ERN1: variants seen among roughly 807,000 people sequenced by gnomAD.
The protein encoded by ERN1 is endoplasmic reticulum to nucleus signaling 1.
Under a neutral mutation model 113.1 loss-of-function variants are expected in ERN1, and 39 were observed. The ratio of observed to expected loss-of-function variants is 0.34; its 90% CI spans 0.27 to 0.45. ERN1 has a LOEUF of 0.45. Ranked by LOEUF, ERN1 falls within the 20% of genes least tolerant of loss-of-function variation. The pLI is 1.00. For missense variants in ERN1, 976 were observed against 1,274.8 expected (o/e 0.77, Z 3.57); for synonymous variants, 507 against 515.9 (o/e 0.98, Z 0.23).
chr17:64,115,276 G>A (rs560364133), intron 1 of ERN1, among the ~76,000 whole-genome samples: 7 of 152,090 alleles, frequency 4.6e-5, no homozygotes, highest in Non-Finnish European at 1.0e-4. Context: ...TCTTCCTGTT[G>A]GCTGACTCTT....
intron 2 of ERN1, among the ~76,000 whole-genome samples, chr17:64,094,379 A>T (rs1164289883): frequency 6.6e-6 from 1 of 152,220 alleles, no homozygotes; most frequent in East Asian, 1.9e-4. Context: ...TTAAAAAAAT[A>T]CTTTCCTATT....
intron 2 of ERN1, among the ~76,000 whole-genome samples, chr17:64,092,228 A>G (rs925590565): frequency 8.5e-5 from 13 of 152,152 alleles, no homozygotes; most frequent in African/African-American, 2.9e-4. Context: ...TCTGCATGAC[A>G]GGGCTTGGTG....
chr17:64,060,710 T>A, intron 10 of ERN1, 123 bp from the exon 11 acceptor site: 1 of 674,586 alleles, frequency 1.5e-6, no homozygotes, highest in South Asian at 1.8e-5. Flanking sequence ...TCAGCAGGAC[T>A]GTGAGTTAGA....
At chr17:64,095,614 CCA>C (rs1914208320) in intron 2 of ERN1, among the ~76,000 whole-genome samples, 1 of 152,084 alleles carries the variant, frequency 6.6e-6, no homozygotes, top group Admixed American at 6.6e-5. Context: ...TCTAGTCATC[CCA>C]CACACAGCTG....
At chr17:64,129,932 G>A (rs1915191856) in intron 1 of ERN1, 44 bp downstream of exon 1, 4 of 1,386,252 alleles carry the variant, frequency 2.9e-6, no homozygotes, top group Non-Finnish European at 2.8e-6. Flanking sequence ...CCCCGACCCG[G>A]CCGTCGCGAG....
At chr17:64,112,367 C>CAAAA (rs779687545) in intron 1 of ERN1, among the ~76,000 whole-genome samples, 1 of 88,374 alleles carries the variant, frequency 1.1e-5, no homozygotes, top group African/African-American at 3.5e-5. Context: ...GACTCTGTCT[C>CAAAA]AAAAAAAAAA....
chr17:64,049,222 G>T lies in ERN1; in HGVS notation c.2254-20C>A, dbSNP rs547268473. On this transcript the variant is annotated intron_variant, in intron 17 of 21. Coordinates refer to ENST00000433197, the MANE Select transcript of ERN1 (RefSeq NM_001433.5). This position sits in a 1 kb window ranked among gnomAD's most constrained non-coding sequence, Gnocchi z 4.7. ...GTAGGTCTGAAAAGAGACATGAGGC[G>T]TGAGAGGTCTGGGAGCAGAGTTTTC... is the stretch of plus-strand genomic sequence containing the variant. 3.9e-6 allele frequency: 6 copies of T among 1,558,234 alleles called. No homozygotes were observed. Among genetic ancestry groups the T allele is most frequent in the Admixed American group, 1.8e-5 (1 of 57,054 alleles).
At chr17:64,076,773 G>T (rs1456506411) in intron 4 of ERN1, among the ~76,000 whole-genome samples, 4 of 152,106 alleles carry the variant, frequency 2.6e-5, no homozygotes, top group Non-Finnish European at 5.9e-5. Context: ...CTAATTTTTT[G>T]TATTTTTTAG....
intron 2 of ERN1, among the ~76,000 whole-genome samples, chr17:64,090,460 A>G (rs1469483308): frequency 1.3e-5 from 2 of 151,348 alleles, no homozygotes; most frequent in East Asian, 1.9e-4. Flanking sequence ...AGACAATTCA[A>G]CACTACAGCC....
At chr17:64,075,017 T>C (rs1021046356) in intron 5 of ERN1, 158 bp downstream of exon 5, 16 of 621,170 alleles carry the variant, frequency 2.6e-5, no homozygotes, top group Middle Eastern at 3.4e-4. Flanking sequence ...CTTTCTTAAT[T>C]GGTCAGCTGA....
chr17:64,058,533 A>G (rs1164795323), intron 11 of ERN1, among the ~76,000 whole-genome samples: 1 of 152,212 alleles, frequency 6.6e-6, no homozygotes, highest in Non-Finnish European at 1.5e-5. Context: ...CTATTTCTTC[A>G]AAGTTTTTAA....
chr17:64,067,448 A>T (rs1412962036), intron 7 of ERN1, among the ~76,000 whole-genome samples: 1 of 129,588 alleles, frequency 7.7e-6, no homozygotes, highest in Admixed American at 7.8e-5. Flanking sequence ...AAAAAAAAAA[A>T]TTAGCCAGGT....
At chr17:64,108,885 G>A (rs1018581820) in intron 1 of ERN1, among the ~76,000 whole-genome samples, 3 of 152,188 alleles carry the variant, frequency 2.0e-5, no homozygotes, top group African/African-American at 7.2e-5. Flanking sequence ...CACTTTGGGA[G>A]GCCAACGCAG....
At chr17:64,083,664 G>C (rs767128500) in intron 2 of ERN1, among the ~76,000 whole-genome samples, 1 of 152,134 alleles carries the variant, frequency 6.6e-6, no homozygotes, top group Non-Finnish European at 1.5e-5. Context: ...GGTCTCCCAG[G>C]ATTAACACGG....
chr17:64,106,905 AC>A (rs552392490), intron 1 of ERN1, among the ~76,000 whole-genome samples: 226 of 152,202 alleles, frequency 1.5e-3, no homozygotes, highest in African/African-American at 5.4e-3. Context: ...TATAACACAG[AC>A]CCTTGAAAGG....
At chr17:64,083,079 A>G (rs6504200) in intron 2 of ERN1, among the ~76,000 whole-genome samples, 64,457 of 152,048 alleles carry the variant, frequency 0.42, 18,212 homozygotes, top group African/African-American at 0.81. Flanking sequence ...TTCTTTAAGA[A>G]TCATCTGAAT....
chr17:64,070,719 T>G (rs1343546214), intron 6 of ERN1, among the ~76,000 whole-genome samples: 1 of 152,254 alleles, frequency 6.6e-6, no homozygotes. Context: ...CTAAATGTAG[T>G]GCTCAATTGT....
At chr17:64,127,874 G>A (rs1401376240) in intron 1 of ERN1, among the ~76,000 whole-genome samples, 1 of 152,010 alleles carries the variant, frequency 6.6e-6, no homozygotes, top group Non-Finnish European at 1.5e-5. Flanking sequence ...ACTGCGTTCT[G>A]CACATCACTG....
intron 1 of ERN1, 72 bp downstream of exon 1, chr17:64,129,904 G>T: frequency 7.8e-7 from 1 of 1,287,812 alleles, no homozygotes; most frequent in Non-Finnish European, 9.9e-7. Context: ...CAGCCCCGGC[G>T]CCGCGACGCT....
Sources: gnomAD v4.1 joint callset for allele counts (sites outside exome capture counted in the v4.1 genomes callset) on GRCh38, gnomAD v4.1.1 for gene constraint, Gnocchi (gnomAD v3.1) non-coding constraint, MANE v1.5 for transcripts, NCBI Gene and HGNC (gene_info 2026-07-23, HGNC 2026-07-21) for gene names.